PHIP: variants seen among roughly 807,000 people sequenced by gnomAD.
The protein encoded by PHIP is PHIP subunit of CUL4-Ring ligase complex, also known as PH-interacting protein.
Under a neutral mutation model 236.8 loss-of-function variants are expected in PHIP, and 54 were observed. The observed-to-expected ratio is 0.23, with a 90% confidence interval of 0.18 to 0.29. The LOEUF (loss-of-function observed/expected upper bound fraction) is 0.29, where lower values mean the gene tolerates loss of function less well. Among genes scored for constraint, PHIP ranks in the 10% least tolerant of loss-of-function variants. The pLI is 1.00. For missense variants in PHIP, 1,370 were observed against 2,190.8 expected (o/e 0.63, Z 7.48); for synonymous variants, 756 against 718.9 (o/e 1.05, Z -0.83).
intron 27 of PHIP, among the ~76,000 whole-genome samples, chr6:78,967,632 CTT>C (rs1767228287): frequency 6.6e-6 from 1 of 152,068 alleles, no homozygotes; most frequent in Non-Finnish European, 1.5e-5. Flanking sequence ...TAGATACTAA[CTT>C]TAGAGAAATA....
chr6:78,984,780 G>A (rs529153749), intron 22 of PHIP, among the ~76,000 whole-genome samples: 1 of 152,220 alleles, frequency 6.6e-6, no homozygotes, highest in East Asian at 1.9e-4. Flanking sequence ...GAGCCACTAA[G>A]GTGGGGGATA....
intron 4 of PHIP, among the ~76,000 whole-genome samples, chr6:79,069,204 T>TATATAA (rs1042423307): frequency 6.7e-6 from 1 of 148,306 alleles, no homozygotes; most frequent in Non-Finnish European, 1.5e-5. Context: ...TAATATACAA[T>TATATAA]ATATAAATAT....
At chr6:78,977,854 T>A (rs1023621899) in intron 24 of PHIP, among the ~76,000 whole-genome samples, 1 of 152,134 alleles carries the variant, frequency 6.6e-6, no homozygotes, top group Non-Finnish European at 1.5e-5. Flanking sequence ...CATTAAAAAG[T>A]TTTTGTTTTC....
intron 39 of PHIP, among the ~76,000 whole-genome samples, chr6:78,943,456 C>G (rs1250095622): frequency 6.6e-6 from 1 of 152,130 alleles, no homozygotes; most frequent in East Asian, 1.9e-4. Flanking sequence ...GGCCAATATA[C>G]TATTCAAACT....
In PHIP at chr6:78,939,061, AAAT is replaced by A. The variant is rs1182424064; in HGVS notation, c.*1629_*1631del. The A allele has an allele frequency of 6.6e-6, 1 of 151,756 alleles. No homozygotes were observed. The allele number at this position is 151,756 out of a possible 1,614,324, so 9.4% of individuals were successfully genotyped here. On this transcript the variant is annotated 3_prime_UTR_variant, in exon 40 of 40. Transcript: ENST00000275034. ...TTTTTGTACCATACCAGTCCTCAGAAAATACTACATTCTTTAAATTTTTAAAAA... is the reference window on the plus strand; with the variant it reads ...TTTTTGTACCATACCAGTCCTCAGAAACTACATTCTTTAAATTTTTAAAAA...
chr6:78,963,162 C>T lies in PHIP; in HGVS notation c.3470G>A (p.Gly1157Asp), dbSNP rs1766900398. The T allele has an allele frequency of 6.2e-7, 1 of 1,610,950 alleles. No individual in the cohort carries two copies. The highest frequency in any genetic ancestry group is 8.5e-7 in the Non-Finnish European group (1 of 1,178,498). ...ACATTCTTCATCCCTGGGATTGGTA[C>T]CCCATTCTCCATCAAGAGGTTTATA... ...LIYKPLDGEW[G>D]TNPRDEECER... The change falls in exon 30 of 40, where the codon GGT becomes GAT. Residue 1157 changes from glycine (G) to aspartate (D), a missense_variant. This residue lies in a region of PHIP where 238 missense variants were observed against 398.5 expected (regional missense o/e 0.60). Coordinates refer to ENST00000275034, the MANE Select transcript of PHIP (RefSeq NM_017934.7).
intron 24 of PHIP, among the ~76,000 whole-genome samples, chr6:78,974,560 A>C (rs1767896918): frequency 2.0e-5 from 3 of 152,038 alleles, no homozygotes; most frequent in Admixed American, 6.6e-5. Flanking sequence ...GACACAAAAA[A>C]CCCTTCAAAA....
chr6:78,972,625 T>G (rs1767677496), intron 24 of PHIP, among the ~76,000 whole-genome samples: 2 of 152,040 alleles, frequency 1.3e-5, no homozygotes, highest in African/African-American at 4.8e-5. Flanking sequence ...AGTTGAAAAC[T>G]TTGAAAAAAA....
intron 7 of PHIP, among the ~76,000 whole-genome samples, chr6:79,034,049 A>AAC (rs1771805714): frequency 6.6e-6 from 1 of 152,192 alleles, no homozygotes; most frequent in African/African-American, 2.4e-5. Context: ...TTACAATAGG[A>AAC]ACATCAGAGA....
At chr6:79,021,781 TAGAA>T (rs1163785609) in intron 9 of PHIP, among the ~76,000 whole-genome samples, 5 of 152,098 alleles carry the variant, frequency 3.3e-5, no homozygotes, top group East Asian at 3.9e-4. Context: ...ACAAAACTAA[TAGAA>T]AGAATGAATA....
chr6:79,041,713 T>C (rs140373894), intron 7 of PHIP, among the ~76,000 whole-genome samples: 8 of 152,164 alleles, frequency 5.3e-5, no homozygotes, highest in East Asian at 3.9e-4. Flanking sequence ...TCAGCAAATA[T>C]AGAGATGCCT....
chr6:78,957,069 A>T (rs530443498), intron 32 of PHIP: 1 of 152,200 alleles, frequency 6.6e-6, no homozygotes, highest in Admixed American at 6.5e-5. Flanking sequence ...ACATCTAAAA[A>T]AATGCCATGG....
chr6:78,972,465 G>A (rs1292723191), intron 24 of PHIP, among the ~76,000 whole-genome samples: 1 of 152,158 alleles, frequency 6.6e-6, no homozygotes, highest in Non-Finnish European at 1.5e-5. Context: ...CTAAAAATCA[G>A]AGCACCTCTC....
At chr6:79,076,926 G>A (rs1774188979) in intron 4 of PHIP, among the ~76,000 whole-genome samples, 1 of 152,222 alleles carries the variant, frequency 6.6e-6, no homozygotes, top group Non-Finnish European at 1.5e-5. Flanking sequence ...CGACAGAGGG[G>A]GAAAAAATAA....
intron 7 of PHIP, among the ~76,000 whole-genome samples, chr6:79,027,432 A>G (rs1056509380): frequency 6.6e-6 from 1 of 152,144 alleles, no homozygotes; most frequent in Non-Finnish European, 1.5e-5. Flanking sequence ...ACCTCACCTC[A>G]GGCTCTTCAT....
intron 18 of PHIP, among the ~76,000 whole-genome samples, chr6:78,997,987 C>T (rs989553260): frequency 1.3e-5 from 2 of 152,076 alleles, no homozygotes; most frequent in Non-Finnish European, 2.9e-5. Context: ...ATGAGATGTT[C>T]AAGAATGTGG....
rs748540289 is a variant in PHIP, at chr6:79,077,514, G to A, written c.130-7C>T. The A allele has an allele frequency of 1.9e-6, 3 of 1,540,580 alleles. No individual in the cohort carries two copies. The highest frequency in any genetic ancestry group is 3.6e-4 in the Middle Eastern group (2 of 5,630). ...CGGTGCGCCGGGGCAGCAGCTGCGG[G>A]GAGAGGACACCCCGTGAGCCCGGCC... On this transcript the variant is annotated splice_polypyrimidine_tract_variant and splice_region_variant and intron_variant, in intron 3 of 39. Coordinates refer to ENST00000275034, the MANE Select transcript of PHIP (RefSeq NM_017934.7).
intron 23 of PHIP, among the ~76,000 whole-genome samples, chr6:78,981,085 T>C (rs1022002621): frequency 6.6e-6 from 1 of 152,060 alleles, no homozygotes; most frequent in African/African-American, 2.4e-5. Context: ...TTGAGGAAGA[T>C]TTCTGTCACT....
At chr6:79,077,196 G>A (rs1343299132) in intron 4 of PHIP, among the ~76,000 whole-genome samples, 1 of 151,906 alleles carries the variant, frequency 6.6e-6, no homozygotes, top group Non-Finnish European at 1.5e-5. Context: ...CAACACTCAT[G>A]ACGTATCTTT....
Sources: gnomAD v4.1 joint callset for allele counts (sites outside exome capture counted in the v4.1 genomes callset) on GRCh38, gnomAD v4.1.1 for gene constraint, gnomAD v4.1.1 regional missense constraint, MANE v1.5 for transcripts, NCBI Gene and HGNC (gene_info 2026-07-23, HGNC 2026-07-21) for gene names.